The following LHFPL6 variants were observed in gnomAD, a reference collection of about 807,000 sequenced individuals.
The protein encoded by LHFPL6 is LHFPL tetraspan subfamily member 6 protein.
In LHFPL6, 9 loss-of-function variants were observed where a neutral mutation model predicts 20.6. The observed-to-expected ratio is 0.44, with a 90% CI of 0.26 to 0.76. LHFPL6 has a LOEUF of 0.76. Ranked by LOEUF, LHFPL6 falls within the 30% of genes least tolerant of loss-of-function variation. LHFPL6 has a pLI of 0.20. For missense variants in LHFPL6, 218 were observed against 253.5 expected (o/e 0.86, Z 0.95); for synonymous variants, 105 against 98.7 (o/e 1.06, Z -0.38).
chr13:39,438,773 G>A (rs1872032720), intron 2 of LHFPL6, among the ~76,000 whole-genome samples: 1 of 152,258 alleles, frequency 6.6e-6, no homozygotes, highest in Non-Finnish European at 1.5e-5. Flanking sequence ...AAAGCCTTAA[G>A]CCTTGGCAAC....
At chr13:39,578,401 A>G (rs1872182662) in intron 2 of LHFPL6, among the ~76,000 whole-genome samples, 1 of 152,218 alleles carries the variant, frequency 6.6e-6, no homozygotes, top group East Asian at 1.9e-4. Flanking sequence ...CGTCTTTTGA[A>G]ATTAACTTGA....
At chr13:39,426,624 C>T (rs73458853) in intron 2 of LHFPL6, among the ~76,000 whole-genome samples, 4,297 of 152,250 alleles carry the variant, frequency 0.028, 177 homozygotes, top group African/African-American at 0.091. Flanking sequence ...CTTAGAATAA[C>T]ATTTTCAAGG....
rs558388945 is a variant in LHFPL6, at chr13:39,360,170, G to A, written c.485-16116C>T. On this transcript the variant is annotated intron_variant, in intron 3 of 3. Transcript: ENST00000379589. ...AGAGTAGCTGGGATTACAGGAGTCC[G>A]CCACCACGCCCGGCTAATTTTTGTA... is the stretch of plus-strand genomic sequence containing the variant. Among the ~76,000 whole-genome samples the A allele has an allele frequency of 1.5e-4, 14 of 96,530 alleles. 4 individuals carry two copies. The South Asian group carries it at 2.5e-3, about 17-fold the overall frequency. 63.3% of individuals were successfully genotyped at this position (96,530 alleles called of 152,430 possible). A position where few individuals can be genotyped will look rare whatever the true frequency, so the allele number is the denominator to read the frequency against.
chr13:39,546,570 T>C (rs958276995), intron 2 of LHFPL6, among the ~76,000 whole-genome samples: 1 of 152,112 alleles, frequency 6.6e-6, no homozygotes, highest in Admixed American at 6.5e-5. Context: ...ATCTGGGTTT[T>C]ACAACCCTCC....
At chr13:39,394,712 G>A (rs1870800438) in intron 2 of LHFPL6, among the ~76,000 whole-genome samples, 1 of 152,100 alleles carries the variant, frequency 6.6e-6, no homozygotes, top group African/African-American at 2.4e-5. Flanking sequence ...TTTATCTCGT[G>A]GCTTCACATA....
In LHFPL6 at chr13:39,397,738, C is replaced by A. The variant is rs554747732; in HGVS notation, c.386-19212G>T. On this transcript the variant is annotated intron_variant, in intron 2 of 3. Coordinates refer to ENST00000379589, the MANE Select transcript of LHFPL6 (RefSeq NM_005780.3). ...TATTTCTGGGAGCTTCGGAAAGAAG[C>A]TCTTTGGAAAGAAACTTGTTCCGGG... 1.5e-3 allele frequency among the ~76,000 whole-genome samples: 224 copies of A among 152,280 alleles called. 3 individuals carry two copies. In the South Asian group the frequency reaches 0.03, roughly 21 times the overall value.
At chr13:39,506,596 C>T (rs1008691480) in intron 2 of LHFPL6, among the ~76,000 whole-genome samples, 3 of 152,008 alleles carry the variant, frequency 2.0e-5, no homozygotes, top group Admixed American at 6.6e-5. Context: ...TTAATAAGGG[C>T]CACCGCCACT....
intron 2 of LHFPL6, among the ~76,000 whole-genome samples, chr13:39,548,593 A>T (rs1031891758): frequency 6.6e-5 from 10 of 152,080 alleles, no homozygotes; most frequent in Non-Finnish European, 1.5e-4. Flanking sequence ...TACCTTCAGA[A>T]TCAAACTCAT....
intron 2 of LHFPL6, among the ~76,000 whole-genome samples, chr13:39,407,949 C>T (rs2138384511): frequency 6.6e-6 from 1 of 152,230 alleles, no homozygotes. Context: ...AGGTGGCAGA[C>T]GCTGTCTGGG....
At chr13:39,582,170 T>C (rs1247310087) in intron 2 of LHFPL6, among the ~76,000 whole-genome samples, 1 of 152,182 alleles carries the variant, frequency 6.6e-6, no homozygotes, top group Non-Finnish European at 1.5e-5. Context: ...AGCGGCCTCA[T>C]TCTACGAGGC....
At chr13:39,559,406 C>A (rs1871403174) in intron 2 of LHFPL6, among the ~76,000 whole-genome samples, 1 of 152,210 alleles carries the variant, frequency 6.6e-6, no homozygotes, top group Non-Finnish European at 1.5e-5. Context: ...TAAAGAGGGG[C>A]ACTTCGATCT....
At chr13:39,420,222 G>C (rs1871445434) in intron 2 of LHFPL6, among the ~76,000 whole-genome samples, 1 of 152,144 alleles carries the variant, frequency 6.6e-6, no homozygotes, top group African/African-American at 2.4e-5. Flanking sequence ...TGAAGATTAA[G>C]GTCTGGGTTA....
intron 2 of LHFPL6, among the ~76,000 whole-genome samples, chr13:39,513,410 T>G (rs576000082): frequency 6.6e-6 from 1 of 152,226 alleles, no homozygotes. Context: ...TTTGGCTTCT[T>G]TTCCTATCCT....
At chr13:39,450,516 G>C (rs1872412554) in intron 2 of LHFPL6, among the ~76,000 whole-genome samples, 1 of 152,136 alleles carries the variant, frequency 6.6e-6, no homozygotes, top group Non-Finnish European at 1.5e-5. Context: ...GTGTGGGTGT[G>C]AGATATCTAC....
intron 2 of LHFPL6, among the ~76,000 whole-genome samples, chr13:39,419,008 T>G (rs1409154285): frequency 6.6e-6 from 1 of 152,198 alleles, no homozygotes. Context: ...ATGTTTTCCT[T>G]ATTTTATTTT....
intron 2 of LHFPL6, among the ~76,000 whole-genome samples, chr13:39,400,048 G>A (rs59118983): frequency 0.11 from 16,490 of 151,928 alleles, 1,188 homozygotes; most frequent in African/African-American, 0.19. Context: ...AGCCAAGATC[G>A]CACCACTGCA....
chr13:39,442,651 T>G (rs139872457), intron 2 of LHFPL6, among the ~76,000 whole-genome samples: 6 of 152,354 alleles, frequency 3.9e-5, no homozygotes, highest in Middle Eastern at 3.4e-3. Context: ...CTGGTATGTG[T>G]ATTGTATTAA....
chr13:39,436,647 T>A (rs1871965440), intron 2 of LHFPL6, among the ~76,000 whole-genome samples: 1 of 152,232 alleles, frequency 6.6e-6, no homozygotes. Flanking sequence ...TTTCCCCTCA[T>A]CTGCAGGTTA....
chr13:39,384,555 G>C (rs894879633), intron 2 of LHFPL6, among the ~76,000 whole-genome samples: 1 of 152,164 alleles, frequency 6.6e-6, no homozygotes, highest in African/African-American at 2.4e-5. Flanking sequence ...TTTGATGGAA[G>C]CACAGTTTAG....
Sources: allele counts gnomAD v4.1 joint callset (sites outside exome capture counted in the v4.1 genomes callset), GRCh38; gene constraint gnomAD v4.1.1; transcripts MANE v1.5; gene names NCBI Gene and HGNC (gene_info 2026-07-23, HGNC 2026-07-21).